Variants in ANGPTL2 observed in about 807,000 individuals in gnomAD.
The protein encoded by ANGPTL2 is angiopoietin-related protein 2.
ANGPTL2 carries 25 observed loss-of-function variants against 52.8 expected under a neutral mutation model. The observed-to-expected ratio is 0.47, with a 90% confidence interval of 0.35 to 0.66. The LOEUF is 0.66. Among genes scored for constraint, ANGPTL2 ranks in the 30% least tolerant of loss-of-function variants. ANGPTL2 has a pLI of 0.01. For synonymous variants in ANGPTL2, 276 were observed against 277.4 expected (o/e 1.00, Z 0.05); for missense variants, 546 against 656.9 (o/e 0.83, Z 1.84).
At chr9:127,111,639 C>T (rs2054827145) in intron 1 of ANGPTL2, among the ~76,000 whole-genome samples, 1 of 152,220 alleles carries the variant, frequency 6.6e-6, no homozygotes, top group African/African-American at 2.4e-5. Flanking sequence ...CCAAGGTCCG[C>T]TATATACCTG....
At chr9:127,114,960 AG>A (rs912498859) in intron 1 of ANGPTL2, among the ~76,000 whole-genome samples, 1 of 152,236 alleles carries the variant, frequency 6.6e-6, no homozygotes, top group Non-Finnish European at 1.5e-5. Context: ...GTGTGCTGGT[AG>A]GGAAGTATCC....
At chr9:127,092,492 T>A (rs1320885346) in intron 3 of ANGPTL2, among the ~76,000 whole-genome samples, 1 of 152,160 alleles carries the variant, frequency 6.6e-6, no homozygotes, top group Non-Finnish European at 1.5e-5. Context: ...GCAGCTGAGT[T>A]ACGGCCACTA....
intron 2 of ANGPTL2, among the ~76,000 whole-genome samples, chr9:127,103,919 A>G (rs1358376240): frequency 2.0e-5 from 3 of 152,180 alleles, no homozygotes; most frequent in African/African-American, 7.2e-5. Context: ...TAGTTAAAAC[A>G]TACTTTGGTT....
rs138716830 is a variant in ANGPTL2, at chr9:127,108,278, C to T, written c.454G>A (p.Ala152Thr). ...TTCTCCAGCTGGGAGAGCTCCAACG[C>T]GTTGTCCCGCTTGCGGATGATCTCG... is the stretch of plus-strand genomic sequence containing the variant. ...LHEIIRKRDNALELSQLENRI... is the reference protein window; with the variant it reads ...LHEIIRKRDNTLELSQLENRI... Residue 152 changes from alanine (A) to threonine (T), a missense_variant, in exon 2 of 5, where the codon GCG (alanine) becomes ACG (threonine). Ala to Thr is a moderately conservative substitution (Grantham distance 58). Transcript: ENST00000373425. 8.1e-6 allele frequency: 13 copies of T among 1,613,844 alleles called. No homozygotes were observed. The highest frequency in any genetic ancestry group is 2.7e-5 in the African/African-American group (2 of 74,864).
chr9:127,112,712 C>T (rs891446289), intron 1 of ANGPTL2, among the ~76,000 whole-genome samples: 11 of 152,206 alleles, frequency 7.2e-5, no homozygotes, highest in Admixed American at 2.0e-4. Context: ...GCATCAGAAG[C>T]GGGAGATTGG....
At chr9:127,116,686 A>G (rs2055459103) in intron 1 of ANGPTL2, among the ~76,000 whole-genome samples, 1 of 152,136 alleles carries the variant, frequency 6.6e-6, no homozygotes, top group Non-Finnish European at 1.5e-5. Flanking sequence ...GCTTTTCTGG[A>G]CCAGGCTGAG....
chr9:127,115,389 C>T (rs924640207), intron 1 of ANGPTL2, among the ~76,000 whole-genome samples: 12 of 152,264 alleles, frequency 7.9e-5, no homozygotes, highest in African/African-American at 2.6e-4. Flanking sequence ...AGGGTTTCGC[C>T]ATGCTGGTTG....
intron 2 of ANGPTL2, among the ~76,000 whole-genome samples, chr9:127,106,207 C>T (rs1374255471): frequency 6.6e-6 from 1 of 152,174 alleles, no homozygotes; most frequent in Non-Finnish European, 1.5e-5. Flanking sequence ...AGCCTGTCTC[C>T]AGTCAGGGTT....
At chr9:127,120,717 A>G (rs1053176808) in intron 1 of ANGPTL2, among the ~76,000 whole-genome samples, 32 of 151,780 alleles carry the variant, frequency 2.1e-4, no homozygotes, top group African/African-American at 7.5e-4. Context: ...AGCCCCAGCT[A>G]CTCGGGAGGC....
intron 2 of ANGPTL2, among the ~76,000 whole-genome samples, chr9:127,105,889 C>A (rs1368021596): frequency 6.6e-6 from 1 of 152,208 alleles, no homozygotes; most frequent in Non-Finnish European, 1.5e-5. Context: ...AGGGGCTCAG[C>A]AAATGTTGGC....
intron 1 of ANGPTL2, among the ~76,000 whole-genome samples, chr9:127,114,274 T>C (rs1298576484): frequency 6.6e-6 from 1 of 152,232 alleles, no homozygotes; most frequent in African/African-American, 2.4e-5. Flanking sequence ...CTTTTAAGGC[T>C]AACAGCAAAG....
chr9:127,110,948 A>C (rs1263806160), intron 1 of ANGPTL2, among the ~76,000 whole-genome samples: 5 of 152,076 alleles, frequency 3.3e-5, no homozygotes, highest in African/African-American at 7.2e-5. Flanking sequence ...TCACAGCCAG[A>C]GTGGTCCTTT....
At position 127,118,349 on chromosome 9, in the gene ANGPTL2, C is replaced by T. The variant is rs12686113; in HGVS notation, c.-50+3966G>A. Among the ~76,000 whole-genome samples, 47 of 152,330 alleles carry T rather than the reference C, an allele frequency of 3.1e-4. No individual in the cohort carries two copies. In the East Asian group the frequency reaches 8.3e-3, roughly 27 times the overall value. Reference sequence around the variant, plus strand: ...ACTACCCCCAGAATGAGGCTTCTGACGTGACCAGTGTATCACCACAAACTC... The same window carrying T: ...ACTACCCCCAGAATGAGGCTTCTGATGTGACCAGTGTATCACCACAAACTC... On this transcript the variant is annotated intron_variant, in intron 1 of 4. Transcript: ENST00000373425.
chr9:127,113,287 G>A (rs1260921302), intron 1 of ANGPTL2, among the ~76,000 whole-genome samples: 1 of 152,102 alleles, frequency 6.6e-6, no homozygotes, highest in Non-Finnish European at 1.5e-5. Flanking sequence ...CTAGGACTTG[G>A]GTCAACCTGA....
At chr9:127,105,711 C>G (rs2054154970) in intron 2 of ANGPTL2, among the ~76,000 whole-genome samples, 1 of 152,192 alleles carries the variant, frequency 6.6e-6, no homozygotes, top group Non-Finnish European at 1.5e-5. Context: ...CCAGAGAAAT[C>G]CATTGTCAGA....
rs997461198 is a variant in ANGPTL2, at chr9:127,088,883, C to T, written c.*56G>A. ...GAGTTGTTCTTTGTGCTGTGGCCAG[C>T]GTGACCAGGGTGGGCTCCTGGCAAT... On this transcript the variant is annotated 3_prime_UTR_variant, in exon 5 of 5. Coordinates refer to ENST00000373425, the MANE Select transcript of ANGPTL2 (RefSeq NM_012098.3). The T allele has an allele frequency of 3.6e-5, 58 of 1,599,648 alleles. No homozygotes were observed. The highest frequency in any genetic ancestry group is 1.5e-4 in the Admixed American group (9 of 59,926).
chr9:127,113,299 A>G (rs2055039762), intron 1 of ANGPTL2, among the ~76,000 whole-genome samples: 1 of 152,114 alleles, frequency 6.6e-6, no homozygotes, highest in African/African-American at 2.4e-5. Flanking sequence ...TCAACCTGAT[A>G]CCAAGGGCCA....
chr9:127,113,645 A>G (rs1347651628), intron 1 of ANGPTL2, among the ~76,000 whole-genome samples: 1 of 152,236 alleles, frequency 6.6e-6, no homozygotes, highest in Admixed American at 6.5e-5. Flanking sequence ...ATTAAAATAA[A>G]AACGATTCTT....
intron 2 of ANGPTL2, among the ~76,000 whole-genome samples, chr9:127,095,537 T>TG (rs2053028935): frequency 6.6e-6 from 1 of 152,256 alleles, no homozygotes; most frequent in East Asian, 1.9e-4. Flanking sequence ...CCTCTGCAGA[T>TG]GCGGTGCTGG....
Sources: allele counts gnomAD v4.1 joint callset (sites outside exome capture counted in the v4.1 genomes callset), GRCh38; gene constraint gnomAD v4.1.1; transcripts MANE v1.5; gene names NCBI Gene and HGNC (gene_info 2026-07-23, HGNC 2026-07-21).